Variants in LMO2 observed in about 807,000 individuals in gnomAD.
The protein encoded by LMO2 is rhombotin-2.
A neutral mutation model predicts 23.2 loss-of-function variants in LMO2; 20 were observed. That is an observed-to-expected ratio of 0.86 (90% CI 0.61 to 1.25). The LOEUF (loss-of-function observed/expected upper bound fraction) is 1.25, where lower values mean the gene tolerates loss of function less well. Ranked by LOEUF, LMO2 falls within the 50% of genes most tolerant of loss-of-function variation. The pLI, the probability that LMO2 is intolerant of heterozygous loss-of-function variation, is 0.00. For missense variants in LMO2, 270 were observed against 315.3 expected, an observed-to-expected ratio of 0.86 and a Z score of 1.09; for synonymous variants, 123 against 130.2, an observed-to-expected ratio of 0.94 and a Z score of 0.38.
In LMO2 at chr11:33,869,816, C is replaced by CCCTCGCA. The variant is rs944025994; in HGVS notation, c.-107_-101dup. 4.6e-6 allele frequency: 5 copies of CCCTCGCA among 1,091,246 alleles called. No homozygotes were observed. The highest frequency in any genetic ancestry group is 1.7e-5 in the African/African-American group (1 of 59,602). The allele number at this position is 1,091,246 out of a possible 1,614,324, so 67.6% of individuals were successfully genotyped here. ...GTGCGCCCGCCCGGCCGCCCGGAGC[C>CCCTCGCA]CCTCGCACCTTCGGCCCGGGTCGCG... On this transcript the variant is annotated 5_prime_UTR_variant, in exon 3 of 6. Transcript: ENST00000257818.
At chr11:33,873,199 A>G (rs1182993456) in intron 2 of LMO2, among the ~76,000 whole-genome samples, 3 of 152,222 alleles carry the variant, frequency 2.0e-5, no homozygotes, top group African/African-American at 7.2e-5. Context: ...AATTCAGGGC[A>G]TAACGTTTCT....
chr11:33,882,567 G>A (rs554045085), intron 1 of LMO2, among the ~76,000 whole-genome samples: 136 of 152,268 alleles, frequency 8.9e-4, no homozygotes, highest in Non-Finnish European at 1.5e-3. Context: ...AAGCCAACAC[G>A]CAGACACCGT....
At position 33,861,160 on chromosome 11, in the gene LMO2, T is replaced by C. The variant is rs183454684; in HGVS notation, c.465-1585A>G. On this transcript the variant is annotated intron_variant, in intron 5 of 5. Transcript: ENST00000257818. ...TATGTTTTAACACATCTTGGGTGTA[T>C]TCCCAGCTGTGCCAGTCTTGCTGCA... Among the ~76,000 whole-genome samples, 45 of 152,380 alleles carry C rather than the reference T, an allele frequency of 3.0e-4. No homozygotes were observed. The East Asian group carries it at 8.5e-3, about 29-fold the overall frequency.
chr11:33,891,005 C>T (rs1042120095), intron 1 of LMO2, among the ~76,000 whole-genome samples: 18 of 152,140 alleles, frequency 1.2e-4, no homozygotes, highest in African/African-American at 3.4e-4. Flanking sequence ...TGAAACATTA[C>T]GGCAAGAACC....
chr11:33,861,073 G>A (rs1298912060), intron 5 of LMO2, among the ~76,000 whole-genome samples: 2 of 152,204 alleles, frequency 1.3e-5, no homozygotes, highest in African/African-American at 4.8e-5. Context: ...TCACTCAGCT[G>A]TTAAAACAAC....
At position 33,863,293 on chromosome 11, in the gene LMO2, G is replaced by A. The variant is rs147464727; in HGVS notation, c.464+1309C>T. Among the ~76,000 whole-genome samples the A allele has an allele frequency of 5.0e-3, 760 of 152,112 alleles. 6 individuals carry two copies. Among genetic ancestry groups the A allele is most frequent in the African/African-American group, 0.017 (718 of 41,484 alleles). ...ATTGCAAAATCCTACTTATTTTCTC[G>A]GAACCACCATATCTGCAAGGACTGC... On this transcript the variant is annotated intron_variant, in intron 5 of 5. Coordinates refer to ENST00000257818, the MANE Select transcript of LMO2 (RefSeq NM_005574.4).
At chr11:33,878,723 G>T (rs909892007) in intron 2 of LMO2, among the ~76,000 whole-genome samples, 2 of 152,148 alleles carry the variant, frequency 1.3e-5, no homozygotes, top group African/African-American at 4.8e-5. Flanking sequence ...GCTCATGGTG[G>T]TGATCCCTTT....
At chr11:33,859,616 G>T (rs1856494705) in intron 5 of LMO2, 41 bp from the exon 6 acceptor site, 3 of 1,582,860 alleles carry the variant, frequency 1.9e-6, no homozygotes, top group Admixed American at 3.4e-5. Flanking sequence ...CAGTGAAAGG[G>T]ACAATCCTGG....
intron 1 of LMO2, among the ~76,000 whole-genome samples, chr11:33,884,589 A>T (rs1857361706): frequency 1.3e-5 from 2 of 152,216 alleles, no homozygotes; most frequent in Non-Finnish European, 2.9e-5. Flanking sequence ...AATTTTACAT[A>T]GCCAGTGCAG....
chr11:33,870,581 C>G (rs1856991326), intron 2 of LMO2: 6 of 985,596 alleles, frequency 6.1e-6, no homozygotes, highest in Non-Finnish European at 7.2e-6. Flanking sequence ...TAGAGCAGAG[C>G]CAGGGCAGCT....
At chr11:33,884,135 C>G (rs867160731) in intron 1 of LMO2, among the ~76,000 whole-genome samples, 11 of 152,276 alleles carry the variant, frequency 7.2e-5, no homozygotes, top group Middle Eastern at 6.8e-3. Flanking sequence ...CAGGCATAGG[C>G]AGCGAGGGAA....
chr11:33,864,879 G>C lies in LMO2; in HGVS notation c.249-62C>G, dbSNP rs764177431. The C allele has an allele frequency of 6.6e-7, 1 of 1,517,000 alleles. No individual in the cohort carries two copies. Among genetic ancestry groups the C allele is most frequent in the Non-Finnish European group, 9.1e-7 (1 of 1,100,810 alleles). The allele number at this position is 1,517,000 out of a possible 1,614,324, so 94.0% of individuals were successfully genotyped here. A position where few individuals can be genotyped will look rare whatever the true frequency, so the allele number is the denominator to read the frequency against. ...AGAGTGAGACCAGCACCGAGGGTCC[G>C]AGATCGTTTTGGGCCAGACAGGGCA... On this transcript the variant is annotated intron_variant, in intron 4 of 5. Coordinates refer to ENST00000257818, the MANE Select transcript of LMO2 (RefSeq NM_005574.4). This position sits in a 1 kb window ranked among gnomAD's most constrained non-coding sequence, Gnocchi z 4.8.
intron 2 of LMO2, among the ~76,000 whole-genome samples, chr11:33,875,821 C>A (rs917931286): frequency 2.0e-4 from 31 of 152,182 alleles, no homozygotes; most frequent in Non-Finnish European, 3.4e-4. Flanking sequence ...GTTTAGGCAG[C>A]CTGTCTCCTC....
chr11:33,859,054 G>A lies in LMO2; in HGVS notation c.*302C>T. The A allele has an allele frequency of 2.5e-6, 1 of 404,908 alleles. No individual in the cohort carries two copies. The highest frequency in any genetic ancestry group is 4.6e-6 in the Non-Finnish European group (1 of 219,368). 25.1% of individuals were successfully genotyped at this position (404,908 alleles called of 1,614,324 possible). ...ATCTGTAGATATGAAATTCCATCAT[G>A]ATAGCACAGCGCCTGCTTGCCCCTA... is the stretch of plus-strand genomic sequence containing the variant. On this transcript the variant is annotated 3_prime_UTR_variant, in exon 6 of 6. Transcript: ENST00000257818.
At chr11:33,883,742 A>G (rs760631340) in intron 1 of LMO2, among the ~76,000 whole-genome samples, 1 of 152,196 alleles carries the variant, frequency 6.6e-6, no homozygotes, top group Non-Finnish European at 1.5e-5. Context: ...GCAACACCCT[A>G]ATGAAGTAAG....
chr11:33,859,371 G>C lies in LMO2; in HGVS notation c.669C>G (p.Ile223Met). Residue 223 changes from isoleucine to methionine, a missense_variant, in exon 6 of 6, where the codon ATC becomes ATG. Ile to Met is a conservative substitution (Grantham distance 10, BLOSUM62 1). Coordinates refer to ENST00000257818, the MANE Select transcript of LMO2 (RefSeq NM_005574.4). ...CEQDIYEWTK[I>M]NGMI ...GGACTCGGGCCTATATCATCCCATTGATCTTAGTCCACTCGTAGATGTCCT... is the reference window on the plus strand; with the variant it reads ...GGACTCGGGCCTATATCATCCCATTCATCTTAGTCCACTCGTAGATGTCCT... The C allele has an allele frequency of 6.2e-7, 1 of 1,613,578 alleles. No homozygotes were observed. The highest frequency in any genetic ancestry group is 8.5e-7 in the Non-Finnish European group (1 of 1,179,574).
chr11:33,867,225 G>A (rs1327693594), intron 4 of LMO2, among the ~76,000 whole-genome samples: 1 of 152,194 alleles, frequency 6.6e-6, no homozygotes, highest in African/African-American at 2.4e-5. Context: ...TGTTTCATTT[G>A]CATATAGCTA....
At chr11:33,888,704 C>A (rs1857472719) in intron 1 of LMO2, among the ~76,000 whole-genome samples, 1 of 152,216 alleles carries the variant, frequency 6.6e-6, no homozygotes, top group Non-Finnish European at 1.5e-5. Context: ...TGCCATCTGG[C>A]ATACTATATG....
rs750695843 is a variant in LMO2 at position 33,869,721 on chromosome 11, G to A, written c.-5C>T. On this transcript the variant is annotated 5_prime_UTR_variant, in exon 3 of 6. Coordinates refer to ENST00000257818, the MANE Select transcript of LMO2 (RefSeq NM_005574.4). ...GCTCAGGACTTAACCTTCCATCCCG[G>A]TCCCGCCGCCGCCACCGCCCGGTCC... 105 of 1,289,064 alleles carry A rather than the reference G, an allele frequency of 8.1e-5. No homozygotes were observed. The highest frequency in any genetic ancestry group is 9.6e-5 in the Non-Finnish European group (96 of 999,294). 79.9% of individuals were successfully genotyped at this position (1,289,064 alleles called of 1,614,324 possible).
Sources: allele counts gnomAD v4.1 joint callset (sites outside exome capture counted in the v4.1 genomes callset), GRCh38; gene constraint gnomAD v4.1.1; non-coding constraint Gnocchi (gnomAD v3.1); transcripts MANE v1.5; gene names NCBI Gene and HGNC (gene_info 2026-07-23, HGNC 2026-07-21).